RBFOX1: variants seen among roughly 807,000 people sequenced by gnomAD.
RBFOX1 encodes the protein RNA binding protein fox-1 homolog 1.
RBFOX1 carries 8 observed loss-of-function variants against 57.7 expected under a neutral mutation model. The ratio of observed to expected loss-of-function variants is 0.14; its 90% CI spans 0.08 to 0.25. RBFOX1 has a LOEUF of 0.25. RBFOX1 is among the 10% of genes least tolerant of loss of function. The pLI is 1.00. For missense variants in RBFOX1, 611 were observed against 548.5 expected (o/e 1.11, Z -1.14); for synonymous variants, 326 against 222.4 (o/e 1.47, Z -4.15).
At chr16:7,356,441 A>C (rs2097215468) in intron 4 of RBFOX1, among the ~76,000 whole-genome samples, 1 of 152,184 alleles carries the variant, frequency 6.6e-6, no homozygotes, top group Non-Finnish European at 1.5e-5. Context: ...CACTGAGAAG[A>C]AAGTGACTGG....
chr16:7,665,034 C>T (rs1248897229), intron 13 of RBFOX1, 66 bp downstream of exon 13: 1 of 1,613,562 alleles, frequency 6.2e-7, no homozygotes, highest in Non-Finnish European at 8.5e-7. Context: ...TACAAGTTTG[C>T]TGTGAATTTC....
intron 2 of RBFOX1, among the ~76,000 whole-genome samples, chr16:6,428,307 A>AG (rs1274342334): frequency 1.7e-4 from 26 of 151,552 alleles, no homozygotes; most frequent in African/African-American, 6.1e-4. Context: ...AAAAAAAAAA[A>AG]AAGTGCTCGA....
chr16:5,437,421 C>T (rs1417520224), intron 1 of RBFOX1, among the ~76,000 whole-genome samples: 1 of 152,182 alleles, frequency 6.6e-6, no homozygotes, highest in Non-Finnish European at 1.5e-5. Context: ...GAGAAATTCT[C>T]ACAAGGAAAT....
chr16:5,602,125 G>C (rs1020105916), downstream of RBFOX1, among the ~76,000 whole-genome samples: 21 of 152,228 alleles, frequency 1.4e-4, no homozygotes, highest in African/African-American at 5.1e-4. Context: ...GACTCTCACA[G>C]GTCAGCTTCC....
chr16:6,614,713 A>C, intron 2 of RBFOX1, among the ~76,000 whole-genome samples: 1 of 151,662 alleles, frequency 6.6e-6, no homozygotes, highest in South Asian at 2.1e-4. Flanking sequence ...TGGGTCTATC[A>C]CTCCAGTCTC....
chr16:7,018,620 A>T (rs953949746), intron 3 of RBFOX1, among the ~76,000 whole-genome samples: 6 of 152,032 alleles, frequency 3.9e-5, no homozygotes, highest in African/African-American at 1.5e-4. Context: ...GTCAAATGTT[A>T]TTTCTAGTTC....
intron 3 of RBFOX1, among the ~76,000 whole-genome samples, chr16:6,793,422 G>C (rs117828168): frequency 6.6e-6 from 1 of 152,030 alleles, no homozygotes; most frequent in Non-Finnish European, 1.5e-5. Flanking sequence ...TTACCTGTTC[G>C]TAATACAGAA....
At chr16:5,270,608 C>T (rs1418112716) in intron 1 of RBFOX1, 19 of 582,140 alleles carry the variant, frequency 3.3e-5, no homozygotes, top group Admixed American at 6.5e-5. Flanking sequence ...TACCAAAAAA[C>T]GCAACAATCA....
chr16:7,000,596 C>CTTTTTTTTTTTTTTTTTTTTTTCTTT (rs759103545), intron 3 of RBFOX1, among the ~76,000 whole-genome samples: 1 of 92,596 alleles, frequency 1.1e-5, no homozygotes, highest in Non-Finnish European at 2.0e-5. Context: ...CTTTTTCTTT[C>CTTTTTTTTTTTTTTTTTTTTTTCTTT]TTTTTTTTTT....
intron 4 of RBFOX1, among the ~76,000 whole-genome samples, chr16:7,152,573 T>C (rs143337933): frequency 6.6e-5 from 10 of 152,302 alleles, no homozygotes; most frequent in Non-Finnish European, 4.4e-5. Context: ...TTAGGTTCAC[T>C]GGATTTCATT....
intron 1 of RBFOX1, among the ~76,000 whole-genome samples, chr16:5,372,288 C>T (rs549549779): frequency 2.6e-5 from 4 of 152,268 alleles, no homozygotes; most frequent in South Asian, 4.1e-4. Context: ...TGGGTGAGTC[C>T]GTCCACATGG....
At chr16:7,355,677 C>T (rs1395038159) in intron 4 of RBFOX1, among the ~76,000 whole-genome samples, 3 of 152,212 alleles carry the variant, frequency 2.0e-5, no homozygotes, top group Admixed American at 1.3e-4. Flanking sequence ...ATTCTATAAA[C>T]AGTAATACCA....
intron 4 of RBFOX1, among the ~76,000 whole-genome samples, chr16:7,165,943 C>CACACAT (rs1555526030): frequency 1.6e-5 from 1 of 60,726 alleles, no homozygotes; most frequent in Non-Finnish European, 2.8e-5. Context: ...TACACACACA[C>CACACAT]ACACACACAC....
intron 6 of RBFOX1, among the ~76,000 whole-genome samples, chr16:7,586,806 T>C (rs553386694): frequency 6.2e-4 from 94 of 152,314 alleles, no homozygotes; most frequent in African/African-American, 1.9e-3. Flanking sequence ...TGCTCCTAGA[T>C]TTTATGTGAG....
intron 3 of RBFOX1, among the ~76,000 whole-genome samples, chr16:6,921,310 G>T (rs896131653): frequency 2.6e-5 from 4 of 152,176 alleles, no homozygotes; most frequent in Non-Finnish European, 4.4e-5. Context: ...CTTTGTTCAT[G>T]CTCTCACATG....
intron 2 of RBFOX1, among the ~76,000 whole-genome samples, chr16:6,373,767 T>C (rs2090806589): frequency 6.6e-6 from 1 of 152,118 alleles, no homozygotes; most frequent in African/African-American, 2.4e-5. Context: ...TAAAGGATCA[T>C]TATGTGGGAA....
At chr16:6,183,833 C>A (rs2097086500) in intron 1 of RBFOX1, among the ~76,000 whole-genome samples, 1 of 152,068 alleles carries the variant, frequency 6.6e-6, no homozygotes, top group African/African-American at 2.4e-5. Flanking sequence ...TAGGAGGGGA[C>A]TGGAGCATGT....
chr16:6,979,016 C>T (rs536217624), intron 3 of RBFOX1, among the ~76,000 whole-genome samples: 15 of 152,270 alleles, frequency 9.9e-5, no homozygotes, highest in Non-Finnish European at 1.9e-4. Flanking sequence ...CCAGATACAA[C>T]TTCTGAGGAG....
At chr16:7,656,852 G>A (rs2066439607) in intron 12 of RBFOX1, among the ~76,000 whole-genome samples, 1 of 152,092 alleles carries the variant, frequency 6.6e-6, no homozygotes, top group African/African-American at 2.4e-5. Context: ...AGCCCAGCTT[G>A]GGTGTTTACA....
Sources: gnomAD v4.1 joint callset for allele counts (sites outside exome capture counted in the v4.1 genomes callset) on GRCh38, gnomAD v4.1.1 for gene constraint, MANE v1.5 for transcripts, NCBI Gene and HGNC (gene_info 2026-07-23, HGNC 2026-07-21) for gene names.